Variants in NFASC observed in about 807,000 individuals in gnomAD.
NFASC encodes neurofascin, also known as neurofascin homolog.
NFASC carries 43 observed loss-of-function variants against 147.5 expected under a neutral mutation model. The ratio of observed to expected loss-of-function variants is 0.29; its 90% CI spans 0.23 to 0.38. The LOEUF (loss-of-function observed/expected upper bound fraction) is 0.38, where lower values mean the gene tolerates loss of function less well. Among genes scored for constraint, NFASC ranks in the 10% least tolerant of loss-of-function variants. The probability of loss-of-function intolerance (pLI) is 1.00; values close to 1 mark genes in which losing one functional copy is unlikely to be tolerated. For missense variants in NFASC, 1,320 were observed against 1,689.0 expected (o/e 0.78, Z 3.83); for synonymous variants, 622 against 665.5 (o/e 0.93, Z 1.01).
At chr1:204,949,237 C>A (rs2093965645) in intron 3 of NFASC, among the ~76,000 whole-genome samples, 1 of 152,228 alleles carries the variant, frequency 6.6e-6, no homozygotes, top group African/African-American at 2.4e-5. Flanking sequence ...ACACTCTGCC[C>A]CTCCTCTGGG....
chr1:205,008,596 C>A (rs1278882681), intron 27 of NFASC: 2 of 59,478 alleles, frequency 3.4e-5, no homozygotes, highest in East Asian at 2.8e-4. Flanking sequence ...CTGACCACAC[C>A]CCCCCTCCCA....
At chr1:204,870,261 GA>G (rs1229708848) in intron 1 of NFASC, among the ~76,000 whole-genome samples, 1 of 152,236 alleles carries the variant, frequency 6.6e-6, no homozygotes, top group Non-Finnish European at 1.5e-5. Context: ...TCAAGTGAAA[GA>G]GAGAGGTTTG....
chr1:204,928,579 A>C (rs1302837697), intron 2 of NFASC, among the ~76,000 whole-genome samples: 1 of 152,248 alleles, frequency 6.6e-6, no homozygotes, highest in Non-Finnish European at 1.5e-5. Flanking sequence ...ACAAGGATAT[A>C]AATACAATGA....
At chr1:204,904,218 C>T (rs1351689916) in intron 1 of NFASC, among the ~76,000 whole-genome samples, 1 of 152,166 alleles carries the variant, frequency 6.6e-6, no homozygotes, top group Non-Finnish European at 1.5e-5. Flanking sequence ...CTGCCTCAGC[C>T]TCCTGGGTAG....
intron 3 of NFASC, chr1:204,948,520 G>A (rs2093925710): frequency 2.0e-6 from 1 of 501,374 alleles, no homozygotes; most frequent in South Asian, 1.4e-5. Flanking sequence ...ATGTCAAGGA[G>A]AGCAGAGTCC....
intron 1 of NFASC, among the ~76,000 whole-genome samples, chr1:204,837,196 T>C (rs900278277): frequency 2.0e-5 from 3 of 152,252 alleles, no homozygotes; most frequent in Admixed American, 6.5e-5. Flanking sequence ...CTTTGGGATG[T>C]CAGACAACAG....
At chr1:204,908,846 C>CT (rs1382209875) in intron 1 of NFASC, among the ~76,000 whole-genome samples, 1 of 152,082 alleles carries the variant, frequency 6.6e-6, no homozygotes, top group African/African-American at 2.4e-5. Flanking sequence ...TGGGGACTGG[C>CT]TTTTTTCATT....
chr1:204,877,025 TA>T (rs1558548650), intron 1 of NFASC, among the ~76,000 whole-genome samples: 2 of 101,516 alleles, frequency 2.0e-5, no homozygotes, highest in African/African-American at 4.6e-5. Context: ...TATATATATA[TA>T]TAATATATAT....
At chr1:204,859,970 T>C (rs2076517920) in intron 1 of NFASC, among the ~76,000 whole-genome samples, 3 of 152,142 alleles carry the variant, frequency 2.0e-5, no homozygotes, top group African/African-American at 7.2e-5. Flanking sequence ...GGTGCAGATA[T>C]AGCCGTGGAG....
chr1:204,954,138 C>A lies in NFASC; in HGVS notation c.216-50C>A. On this transcript the variant is annotated intron_variant, in intron 5 of 29. Transcript: ENST00000339876. This position sits in a 1 kb window ranked among gnomAD's most constrained non-coding sequence, Gnocchi z 5.7. ...AGGGATCTGAGATCTGCCTGGAGCC[C>A]AGAGCCCACCCCATTCGTCTTGGTT... 1 of 1,562,794 alleles carries A rather than the reference C, an allele frequency of 6.4e-7. No homozygotes were observed. The highest frequency in any genetic ancestry group is 8.8e-7 in the Non-Finnish European group (1 of 1,134,754).
chr1:204,884,486 G>A (rs1322768530), intron 1 of NFASC, among the ~76,000 whole-genome samples: 2 of 152,136 alleles, frequency 1.3e-5, no homozygotes, highest in African/African-American at 4.8e-5. Flanking sequence ...ACCTGCGGTA[G>A]AAGATAGGCT....
In NFASC at chr1:204,828,709, G is replaced by T. The variant is rs564095124; in HGVS notation, c.-273G>T. Reference sequence around the variant, plus strand: ...GCTGGCGGCGAGAGGCGCTGCAGGGGACGCGGGGGAAGTGGCGGCGCCGGC... The same window carrying T: ...GCTGGCGGCGAGAGGCGCTGCAGGGTACGCGGGGGAAGTGGCGGCGCCGGC... On this transcript the variant is annotated 5_prime_UTR_variant, in exon 1 of 30. Transcript: ENST00000339876. The T allele has an allele frequency of 1.0e-5, 10 of 985,660 alleles. No homozygotes were observed. In the East Asian group the frequency reaches 1.1e-3, roughly 112 times the overall value. 61.1% of individuals were successfully genotyped at this position (985,660 alleles called of 1,614,324 possible). A position where few individuals can be genotyped will look rare whatever the true frequency, so the allele number is the denominator to read the frequency against.
chr1:204,842,694 C>G (rs1675706882), intron 1 of NFASC, among the ~76,000 whole-genome samples: 1 of 152,232 alleles, frequency 6.6e-6, no homozygotes, highest in South Asian at 2.1e-4. Context: ...TGTGGTTATT[C>G]CAGCACAACC....
intron 1 of NFASC, among the ~76,000 whole-genome samples, chr1:204,831,765 C>A (rs1302210035): frequency 6.6e-6 from 1 of 152,118 alleles, no homozygotes; most frequent in Non-Finnish European, 1.5e-5. Context: ...TTCATACTTA[C>A]TCATTTAACA....
intron 2 of NFASC, among the ~76,000 whole-genome samples, chr1:204,925,022 C>T (rs2091229728): frequency 6.6e-6 from 1 of 152,266 alleles, no homozygotes; most frequent in Non-Finnish European, 1.5e-5. Context: ...ATTACAGGTG[C>T]CCGCCACATG....
chr1:204,870,625 A>G (rs1368087099), intron 1 of NFASC: 3 of 1,002,784 alleles, frequency 3.0e-6, no homozygotes, highest in South Asian at 4.0e-5. Context: ...GGCTTGTGTC[A>G]TGGGCCACAC....
intron 4 of NFASC, 98 bp downstream of exon 4, chr1:204,950,672 G>T: frequency 8.9e-7 from 1 of 1,128,818 alleles, no homozygotes; most frequent in South Asian, 1.3e-5. Flanking sequence ...TGGGACTTCT[G>T]CTGGGGCCTC....
chr1:204,883,981 G>A lies in NFASC; in HGVS notation c.-199-36651G>A, dbSNP rs80071081. On this transcript the variant is annotated intron_variant, in intron 1 of 29. Transcript: ENST00000339876. The stretch of plus-strand genomic sequence containing the variant: ...ACAGGGAACCCAGGTGGGTAACCCA[G>A]TGGGGAACCCAGCATAACAGTGCCT... Among the ~76,000 whole-genome samples, 894 of 152,326 alleles carry A rather than the reference G, an allele frequency of 5.9e-3. 10 individuals are homozygous for A. Among genetic ancestry groups the A allele is most frequent in the Middle Eastern group, 0.031 (9 of 294 alleles).
chr1:204,960,525 A>G (rs1280542233), intron 8 of NFASC, among the ~76,000 whole-genome samples: 2 of 152,224 alleles, frequency 1.3e-5, no homozygotes, highest in African/African-American at 4.8e-5. Context: ...GGAGCAGTCA[A>G]AGAAGTTTCC....
Sources: allele counts gnomAD v4.1 joint callset (sites outside exome capture counted in the v4.1 genomes callset), GRCh38; gene constraint gnomAD v4.1.1; non-coding constraint Gnocchi (gnomAD v3.1); transcripts MANE v1.5; gene names NCBI Gene and HGNC (gene_info 2026-07-23, HGNC 2026-07-21).